Variants in PADI4 observed in about 807,000 individuals in gnomAD.
PADI4 encodes the protein peptidyl arginine deiminase 4.
Under a neutral mutation model 75.0 loss-of-function variants are expected in PADI4, and 62 were observed. The observed-to-expected ratio is 0.83, with a 90% CI of 0.67 to 1.02. The LOEUF is 1.02. Among genes scored for constraint, PADI4 ranks in the 50% least tolerant of loss-of-function variants. The pLI, the probability that PADI4 is intolerant of heterozygous loss-of-function variation, is 0.00. For synonymous variants in PADI4, 361 were observed against 348.1 expected, an observed-to-expected ratio of 1.04 and a Z score of -0.41; for missense variants, 845 against 850.5, an observed-to-expected ratio of 0.99 and a Z score of 0.08.
intron 1 of PADI4, among the ~76,000 whole-genome samples, chr1:17,324,146 GTT>G (rs71575827): frequency 8.8e-6 from 1 of 113,908 alleles, no homozygotes; most frequent in African/African-American, 3.3e-5. Flanking sequence ...ACCAAGTTGG[GTT>G]TTTTTTGTTT....
Position 17,363,887 on chromosome 1 carries a change from C to G in PADI4, c.*132C>G, listed in dbSNP as rs2074884137. ...AGCCCTCCCAGCAGTGGCTTGCTTT[C>G]TTCTCCTGTGATGTCCCAGTTTCCC... On this transcript the variant is annotated 3_prime_UTR_variant, in exon 16 of 16. Transcript: ENST00000375448. The G allele has an allele frequency of 3.2e-6, 2 of 624,994 alleles. No individual in the cohort carries two copies. Among genetic ancestry groups the G allele is most frequent in the Non-Finnish European group, 5.8e-6 (2 of 346,690 alleles). The allele number at this position is 624,994 out of a possible 1,614,324, so 38.7% of individuals were successfully genotyped here.
chr1:17,352,008 GGAGGAGAGGCGGCCAGGGAGGTGA>G (rs2074649189), intron 10 of PADI4, among the ~76,000 whole-genome samples: 1 of 22,510 alleles, frequency 4.4e-5, no homozygotes, highest in African/African-American at 3.9e-4. Context: ...GGAGGTGATG[GGAGGAGAGGCGGCCAGGGAGGTGA>G]TGGGAGGAGA....
At chr1:17,342,662 C>A (rs1351412168) in intron 8 of PADI4, among the ~76,000 whole-genome samples, 1 of 152,136 alleles carries the variant, frequency 6.6e-6, no homozygotes, top group Non-Finnish European at 1.5e-5. Flanking sequence ...ACCAGAAACT[C>A]CTGGGAACTC....
At chr1:17,334,115 C>T (rs2074266540) in intron 3 of PADI4, 106 bp downstream of exon 3, 1 of 739,686 alleles carries the variant, frequency 1.4e-6, no homozygotes, top group Admixed American at 2.2e-5. Context: ...TTACTTTAGA[C>T]TGAGTAGAGA....
Position 17,308,247 on chromosome 1 carries a change from G to A in PADI4, c.25G>A (p.Val9Met). 2.5e-6 allele frequency: 4 copies of A among 1,614,140 alleles called. No individual in the cohort carries two copies. The highest frequency in any genetic ancestry group is 3.4e-6 in the Non-Finnish European group (4 of 1,180,014). MAQGTLIR[V>M]TPEQPTHAVC... The stretch of plus-strand genomic sequence containing the variant: ...GATGGCCCAGGGGACATTGATCCGT[G>A]TGACCCCAGAGCAGCCCACCCATGC... Residue 9 changes from valine (V) to methionine (M), a missense_variant, in exon 1 of 16, where the codon GTG (valine) becomes ATG (methionine). Physicochemically the swap from Val to Met is conservative, Grantham distance 21. Coordinates refer to ENST00000375448, the MANE Select transcript of PADI4 (RefSeq NM_012387.3).
chr1:17,346,251 A>G lies in PADI4; in HGVS notation c.1047+112A>G. On this transcript the variant is annotated intron_variant, in intron 9 of 15. Transcript: ENST00000375448. The surrounding 1 kb of genome is among the most constrained non-coding windows in gnomAD (Gnocchi z 4.3). ...TGCCTCACCGGCCACTCTTCCTTAG[A>G]TGGACAGGGAGATAGGAACCTGAGA... 1.5e-6 allele frequency: 1 copy of G among 652,598 alleles called. No individual in the cohort carries two copies. The highest frequency in any genetic ancestry group is 2.7e-6 in the Non-Finnish European group (1 of 363,906). 40.4% of individuals were successfully genotyped at this position (652,598 alleles called of 1,614,324 possible). A position where few individuals can be genotyped will look rare whatever the true frequency, so the allele number is the denominator to read the frequency against.
chr1:17,326,901 A>G (rs1315279308), intron 1 of PADI4, among the ~76,000 whole-genome samples: 1 of 120,578 alleles, frequency 8.3e-6, no homozygotes, highest in Non-Finnish European at 1.7e-5. Flanking sequence ...TTTGCCTTAT[A>G]TGCTTTTTTT....
In PADI4 at chr1:17,339,760, T is replaced by C; in HGVS notation, c.599T>C (p.Val200Ala). Residue 200 changes from valine (V) to alanine (A), a missense_variant, in exon 6 of 16, where the codon GTG becomes GCG. Val to Ala is a moderately conservative substitution (Grantham distance 64). Coordinates refer to ENST00000375448, the MANE Select transcript of PADI4 (RefSeq NM_012387.3). ...PKDFFTNHTL[V>A]LHVARSEMDK... ...GACTTCTTCACAAACCATACACTGG[T>C]GCTCCACGTGGCCAGGTCTGAGATG... 6.2e-7 allele frequency: 1 copy of C among 1,613,880 alleles called. No homozygotes were observed. Among genetic ancestry groups the C allele is most frequent in the South Asian group, 1.1e-5 (1 of 91,054 alleles).
At chr1:17,311,557 C>G (rs1053305842) in intron 1 of PADI4, among the ~76,000 whole-genome samples, 1 of 151,402 alleles carries the variant, frequency 6.6e-6, no homozygotes, top group Non-Finnish European at 1.5e-5. Context: ...GAGTCTCGCT[C>G]TGTCCAGCCC....
At chr1:17,323,923 C>T (rs1390754185) in intron 1 of PADI4, among the ~76,000 whole-genome samples, 5 of 152,050 alleles carry the variant, frequency 3.3e-5, no homozygotes, top group South Asian at 2.1e-4. Context: ...CTTATGTGGA[C>T]GGAGTTCTGC....
At chr1:17,338,234 C>A in intron 5 of PADI4, 79 bp downstream of exon 5, 1 of 865,870 alleles carries the variant, frequency 1.2e-6, no homozygotes, top group Admixed American at 1.8e-5. Flanking sequence ...TGGTGACGGC[C>A]CTCTGAAATA....
chr1:17,355,548 A>G (rs1334190573), intron 11 of PADI4, among the ~76,000 whole-genome samples: 1 of 152,152 alleles, frequency 6.6e-6, no homozygotes, highest in Admixed American at 6.5e-5. Flanking sequence ...CAAAAAAAAA[A>G]AAAAAAGTGA....
intron 3 of PADI4, chr1:17,334,583 A>G: frequency 2.2e-6 from 1 of 456,158 alleles, no homozygotes; most frequent in South Asian, 1.5e-5. Flanking sequence ...GATTACTGGC[A>G]TGAACCACTG....
chr1:17,313,268 A>G (rs1021245907), intron 1 of PADI4, among the ~76,000 whole-genome samples: 8 of 151,700 alleles, frequency 5.3e-5, no homozygotes, highest in African/African-American at 1.9e-4. Flanking sequence ...GGGAGGCTGA[A>G]GTGGGCAGAT....
intron 5 of PADI4, among the ~76,000 whole-genome samples, chr1:17,339,208 A>G (rs902519114): frequency 5.9e-5 from 9 of 152,256 alleles, no homozygotes; most frequent in African/African-American, 2.2e-4. Flanking sequence ...CTTGGGAACC[A>G]TCTCTTCACT....
At chr1:17,338,700 A>G (rs573198154) in intron 5 of PADI4, among the ~76,000 whole-genome samples, 1 of 152,326 alleles carries the variant, frequency 6.6e-6, no homozygotes, top group Admixed American at 6.5e-5. Flanking sequence ...ACACCGGAGC[A>G]GGTTTAGAGG....
At chr1:17,318,987 CT>C (rs1321648519) in intron 1 of PADI4, among the ~76,000 whole-genome samples, 2 of 150,854 alleles carry the variant, frequency 1.3e-5, no homozygotes, top group Non-Finnish European at 3.0e-5. Flanking sequence ...TGCGCCCAGC[CT>C]TTTTTTTTCC....
At position 17,342,349 on chromosome 1, in the gene PADI4, G is replaced by C. The variant is rs765222511; in HGVS notation, c.882G>C (p.Ala294=). Residue 294 remains alanine (A), a synonymous_variant, in exon 8 of 16, where the codon GCG becomes GCC. Transcript: ENST00000375448. ...AAGACAGCGTGGTCTTCCGCGTGGC[G>C]CCCTGGATCATGACCCCCAACACCC... ...VFQDSVVFRV[A]PWIMTPNTQP... 1.2e-6 allele frequency: 2 copies of C among 1,613,820 alleles called. No homozygotes were observed. Among genetic ancestry groups the C allele is most frequent in the African/African-American group, 2.7e-5 (2 of 74,856 alleles).
Position 17,349,939 on chromosome 1 carries a change from C to T in PADI4, c.1155+1891C>T, listed in dbSNP as rs976828948. 3.3e-5 allele frequency among the ~76,000 whole-genome samples: 4 copies of T among 122,156 alleles called. 2 individuals carry two copies. Among genetic ancestry groups the T allele is most frequent in the East Asian group, 7.5e-4 (2 of 2,664 alleles). 80.1% of individuals were successfully genotyped at this position (122,156 alleles called of 152,430 possible). ...CCCACCTCACGGTCTTTGCATATGC[C>T]GTTCCCTCTGCTTGCAGTGCTGTTC... On this transcript the variant is annotated intron_variant, in intron 10 of 15. Transcript: ENST00000375448.
Sources: gnomAD v4.1 joint callset for allele counts (sites outside exome capture counted in the v4.1 genomes callset) on GRCh38, gnomAD v4.1.1 for gene constraint, Gnocchi (gnomAD v3.1) non-coding constraint, MANE v1.5 for transcripts, NCBI Gene and HGNC (gene_info 2026-07-23, HGNC 2026-07-21) for gene names.